ANO10: variants seen among roughly 807,000 people sequenced by gnomAD.
ANO10 encodes anoctamin-10.
In ANO10, 77 loss-of-function variants were observed where a neutral mutation model predicts 74.7. The observed-to-expected ratio is 1.03, with a 90% CI of 0.86 to 1.25. The LOEUF (loss-of-function observed/expected upper bound fraction) is 1.25. ANO10 is among the 50% of genes most tolerant of loss of function. ANO10 has a pLI of 0.00. For missense variants in ANO10, 721 were observed against 778.1 expected (o/e 0.93, Z 0.87); for synonymous variants, 279 against 284.9 (o/e 0.98, Z 0.21).
intron 12 of ANO10, among the ~76,000 whole-genome samples, chr3:43,395,892 T>C (rs955714387): frequency 5.3e-5 from 8 of 152,194 alleles, no homozygotes; most frequent in Admixed American, 3.9e-4. Context: ...CCATATAGTC[T>C]CTGTCACAAT....
chr3:43,426,219 C>T (rs930963215), intron 12 of ANO10, among the ~76,000 whole-genome samples: 2 of 152,102 alleles, frequency 1.3e-5, no homozygotes, highest in East Asian at 1.9e-4. Flanking sequence ...CAAACTGTAA[C>T]GTGACTGCCT....
intron 4 of ANO10, 73 bp from the exon 5 acceptor site, chr3:43,580,545 A>G: frequency 2.5e-6 from 4 of 1,581,354 alleles, no homozygotes; most frequent in Admixed American, 1.7e-5. Context: ...AGCAAATACT[A>G]TAAGGACACT....
chr3:43,438,158 G>C (rs1255414131), intron 11 of ANO10, among the ~76,000 whole-genome samples: 2 of 152,172 alleles, frequency 1.3e-5, no homozygotes, highest in Non-Finnish European at 2.9e-5. Flanking sequence ...TCACACCTAG[G>C]TATGATGGCT....
chr3:43,688,514 T>G (rs2084304377), intron 1 of ANO10, among the ~76,000 whole-genome samples: 1 of 152,198 alleles, frequency 6.6e-6, no homozygotes, highest in Non-Finnish European at 1.5e-5. Flanking sequence ...TTGTTCCTTG[T>G]ATAAGAGCAT....
intron 12 of ANO10, among the ~76,000 whole-genome samples, chr3:43,419,685 C>T (rs2092792095): frequency 2.0e-5 from 3 of 151,794 alleles, no homozygotes. Flanking sequence ...CTGGCTAATT[C>T]TTTGTATTTT....
chr3:43,496,291 C>T (rs2076911663), intron 11 of ANO10, among the ~76,000 whole-genome samples: 1 of 152,136 alleles, frequency 6.6e-6, no homozygotes, highest in Non-Finnish European at 1.5e-5. Flanking sequence ...TTACAAAGAG[C>T]AAGGTATATA....
intron 11 of ANO10, among the ~76,000 whole-genome samples, chr3:43,500,198 G>A (rs1282055634): frequency 3.3e-5 from 5 of 152,040 alleles, no homozygotes; most frequent in Admixed American, 6.6e-5. Context: ...TCTAAATCAA[G>A]TTTTATCTCA....
At chr3:43,683,298 G>A (rs1193019048) in intron 1 of ANO10, among the ~76,000 whole-genome samples, 1 of 152,116 alleles carries the variant, frequency 6.6e-6, no homozygotes. Context: ...CAGACAAACT[G>A]AGAGCCAAAT....
chr3:43,554,321 G>A (rs1429005146), intron 10 of ANO10, among the ~76,000 whole-genome samples: 1 of 151,676 alleles, frequency 6.6e-6, no homozygotes, highest in Non-Finnish European at 1.5e-5. Flanking sequence ...AGCCTCCTGA[G>A]TAGCTGGGAT....
At chr3:43,679,354 G>C (rs1559398846) in intron 1 of ANO10, among the ~76,000 whole-genome samples, 2 of 152,206 alleles carry the variant, frequency 1.3e-5, no homozygotes, top group African/African-American at 4.8e-5. Flanking sequence ...TAGCACGGCA[G>C]TCTGAGATCA....
At chr3:43,647,181 G>T (rs1378962730) in intron 1 of ANO10, among the ~76,000 whole-genome samples, 1 of 150,996 alleles carries the variant, frequency 6.6e-6, no homozygotes, top group Non-Finnish European at 1.5e-5. Context: ...GTGTGTGTGT[G>T]TGTGTGTGTG....
At chr3:43,367,524 C>A (rs2091454988) in intron 12 of ANO10, among the ~76,000 whole-genome samples, 1 of 152,140 alleles carries the variant, frequency 6.6e-6, no homozygotes, top group Admixed American at 6.5e-5. Flanking sequence ...ACAGGACTTA[C>A]ACTCACCCCT....
chr3:43,448,433 G>A lies in ANO10; in HGVS notation c.1798-15706C>T, dbSNP rs78414985. On this transcript the variant is annotated intron_variant, in intron 11 of 12. Transcript: ENST00000292246. ...GTCTTTTCTAAAGTGTTATATATTT[G>A]GAATCATACAGTATATAGCCTTTTC... Among the ~76,000 whole-genome samples, 1,372 of 152,098 alleles carry A rather than the reference G, an allele frequency of 9.0e-3. 19 individuals are homozygous for A. Among genetic ancestry groups the A allele is most frequent in the African/African-American group, 0.03 (1,248 of 41,472 alleles).
chr3:43,470,208 T>C (rs1179077209), intron 11 of ANO10, among the ~76,000 whole-genome samples: 1 of 152,232 alleles, frequency 6.6e-6, no homozygotes, highest in Non-Finnish European at 1.5e-5. Flanking sequence ...AAATGGATAC[T>C]GCTAAGTAAA....
chr3:43,370,819 A>C (rs2091583012), intron 12 of ANO10, among the ~76,000 whole-genome samples: 1 of 152,188 alleles, frequency 6.6e-6, no homozygotes, highest in Non-Finnish European at 1.5e-5. Flanking sequence ...CTAATCATTA[A>C]GTGTGTTGGC....
At chr3:43,557,502 G>A (rs189037350) in intron 9 of ANO10, among the ~76,000 whole-genome samples, 31 of 151,862 alleles carry the variant, frequency 2.0e-4, no homozygotes, top group Non-Finnish European at 3.8e-4. Flanking sequence ...TTGGGAGGCC[G>A]AGGCGGGTGG....
At chr3:43,616,220 TAAGCCCTCGCTATCATGTTACTCAGA>T (rs1181920326) in intron 1 of ANO10, among the ~76,000 whole-genome samples, 12 of 152,224 alleles carry the variant, frequency 7.9e-5, no homozygotes, top group Non-Finnish European at 8.8e-5. Context: ...AGAGATCAGT[TAAGCCCTCGCTATCATGTTACTCAGA>T]AAGCCCTCGC....
chr3:43,583,556 T>TG (rs1319056292), intron 4 of ANO10, among the ~76,000 whole-genome samples: 2 of 152,238 alleles, frequency 1.3e-5, no homozygotes, highest in African/African-American at 4.8e-5. Flanking sequence ...CTTCTGTCTT[T>TG]GGTTTATGTG....
chr3:43,573,456 ACTT>A (rs2080841174), intron 7 of ANO10, among the ~76,000 whole-genome samples: 1 of 152,184 alleles, frequency 6.6e-6, no homozygotes, highest in South Asian at 2.1e-4. Flanking sequence ...AGATAGATAA[ACTT>A]CTTAGAATGA....
Sources: gnomAD v4.1 joint callset for allele counts (sites outside exome capture counted in the v4.1 genomes callset) on GRCh38, gnomAD v4.1.1 for gene constraint, MANE v1.5 for transcripts, NCBI Gene and HGNC (gene_info 2026-07-23, HGNC 2026-07-21) for gene names.